Variants in PGBD5 observed in about 807,000 individuals in gnomAD.
PGBD5 encodes piggyBac transposable element derived 5.
In PGBD5, 14 loss-of-function variants were observed where a neutral mutation model predicts 47.9. The observed-to-expected ratio is 0.29, with a 90% CI of 0.19 to 0.46. The LOEUF is 0.46. PGBD5 is among the 20% of genes least tolerant of loss of function. The pLI, the probability that PGBD5 is intolerant of heterozygous loss-of-function variation, is 1.00. For missense variants in PGBD5, 635 were observed against 716.0 expected (o/e 0.89, Z 1.29); for synonymous variants, 316 against 306.3 (o/e 1.03, Z -0.33).
chr1:230,342,225 G>A (rs7529587), intron 3 of PGBD5, among the ~76,000 whole-genome samples: 7 of 152,118 alleles, frequency 4.6e-5, no homozygotes, highest in African/African-American at 7.2e-5. Context: ...GCTGGGATCC[G>A]GGCACCCTCC....
intron 3 of PGBD5, among the ~76,000 whole-genome samples, chr1:230,342,745 C>T (rs749015041): frequency 6.6e-6 from 1 of 152,200 alleles, no homozygotes; most frequent in Non-Finnish European, 1.5e-5. Flanking sequence ...ATGCACCTTG[C>T]AAGGCCCTTG....
intron 1 of PGBD5, among the ~76,000 whole-genome samples, chr1:230,377,246 C>T (rs1668027865): frequency 6.6e-6 from 1 of 152,238 alleles, no homozygotes; most frequent in African/African-American, 2.4e-5. Flanking sequence ...AAGAGAGGGA[C>T]AGATGTCCTG....
At chr1:230,329,119 T>TC (rs1667170159) in intron 5 of PGBD5, among the ~76,000 whole-genome samples, 1 of 71,600 alleles carries the variant, frequency 1.4e-5, no homozygotes, top group African/African-American at 3.5e-5. Context: ...GCTAATTTTT[T>TC]TTTGGGGGGG....
intron 1 of PGBD5, among the ~76,000 whole-genome samples, chr1:230,366,869 G>A (rs1201070936): frequency 1.3e-5 from 2 of 152,122 alleles, no homozygotes; most frequent in Non-Finnish European, 2.9e-5. Flanking sequence ...TTACGAAACA[G>A]CCGCCGTAGC....
Position 230,323,464 on chromosome 1 carries a change from T to C in PGBD5, c.1536A>G (p.Arg512=). ...AGGCATCCTCCAAGCCCAGCAGCTC[T>C]CTGACGAGTCTCTCTCCAAACTGCG... ...SRAQFGERLV[R]ELLGLEDASP... is the part of the protein sequence containing the mutation. The change falls in exon 7 of 7, where the codon AGA becomes AGG. Residue 512 remains arginine, a synonymous_variant. Coordinates refer to ENST00000391860, the MANE Select transcript of PGBD5 (RefSeq NM_001258311.2). The surrounding 1 kb of genome is among the most constrained non-coding windows in gnomAD (Gnocchi z 4.1). 1.2e-6 allele frequency: 2 copies of C among 1,614,132 alleles called. No individual in the cohort carries two copies. The highest frequency in any genetic ancestry group is 1.1e-5 in the South Asian group (1 of 91,068).
intron 5 of PGBD5, among the ~76,000 whole-genome samples, chr1:230,325,759 C>T (rs532468756): frequency 1.6e-3 from 236 of 152,102 alleles, no homozygotes; most frequent in African/African-American, 5.2e-3. Context: ...AGAGTGAAAG[C>T]GGAGACAGGG....
chr1:230,378,727 A>G (rs565035835), intron 1 of PGBD5, among the ~76,000 whole-genome samples: 2 of 152,336 alleles, frequency 1.3e-5, no homozygotes, highest in African/African-American at 4.8e-5. Flanking sequence ...TGCAGCCCGT[A>G]GATCTCAGCA....
chr1:230,422,307 A>G (rs1657666486), intron 1 of PGBD5, among the ~76,000 whole-genome samples: 1 of 152,098 alleles, frequency 6.6e-6, no homozygotes. Flanking sequence ...ACTGCTCAGA[A>G]TAAGAAACCA....
chr1:230,379,795 G>T (rs1163155022), intron 1 of PGBD5, among the ~76,000 whole-genome samples: 1 of 152,240 alleles, frequency 6.6e-6, no homozygotes, highest in African/African-American at 2.4e-5. Context: ...ACAGTGCGAG[G>T]TGCTTTTCTA....
chr1:230,380,238 A>C (rs970219710), intron 1 of PGBD5, among the ~76,000 whole-genome samples: 23 of 152,234 alleles, frequency 1.5e-4, no homozygotes, highest in African/African-American at 5.5e-4. Flanking sequence ...ACAGGATAGA[A>C]AACAAAGCCC....
At chr1:230,393,711 G>C (rs998249559) in intron 1 of PGBD5, among the ~76,000 whole-genome samples, 1 of 151,806 alleles carries the variant, frequency 6.6e-6, no homozygotes, top group Non-Finnish European at 1.5e-5. Flanking sequence ...TGTAGTCCCA[G>C]CTACTCGGGA....
intron 1 of PGBD5, among the ~76,000 whole-genome samples, chr1:230,412,247 C>G (rs1402805134): frequency 6.6e-6 from 1 of 152,152 alleles, no homozygotes; most frequent in Non-Finnish European, 1.5e-5. Context: ...TGACCCCAAC[C>G]CAGTTGAAAA....
intron 1 of PGBD5, among the ~76,000 whole-genome samples, chr1:230,380,391 G>A (rs187554647): frequency 1.3e-5 from 2 of 152,348 alleles, no homozygotes; most frequent in African/African-American, 4.8e-5. Flanking sequence ...CCTGTGCTGG[G>A]CCCTCTGGGC....
chr1:230,413,676 T>C lies in PGBD5; in HGVS notation c.331+11922A>G, dbSNP rs74146019. Among the ~76,000 whole-genome samples the C allele has an allele frequency of 1.9e-3, 287 of 152,298 alleles. 1 individual carries two copies. The highest frequency in any genetic ancestry group is 6.7e-3 in the African/African-American group (278 of 41,556). ...CCCTTGGTACCATCTGCATCTATCA[T>C]GTTTTCTGTGGCTCTAAAGATGCCT... is the stretch of plus-strand genomic sequence containing the variant. On this transcript the variant is annotated intron_variant, in intron 1 of 6. Transcript: ENST00000391860.
intron 1 of PGBD5, among the ~76,000 whole-genome samples, chr1:230,398,570 C>T (rs1441925270): frequency 1.3e-5 from 2 of 152,198 alleles, no homozygotes; most frequent in Admixed American, 6.5e-5. Context: ...CAGCTCATGA[C>T]AGATGGGAGG....
intron 5 of PGBD5, among the ~76,000 whole-genome samples, chr1:230,329,129 G>GA (rs1667171811): frequency 6.6e-6 from 1 of 151,350 alleles, no homozygotes; most frequent in Non-Finnish European, 1.5e-5. Flanking sequence ...TTTTGGGGGG[G>GA]GAGGTGGTAT....
intron 1 of PGBD5, among the ~76,000 whole-genome samples, chr1:230,358,741 T>G (rs1667697751): frequency 6.6e-6 from 1 of 152,258 alleles, no homozygotes; most frequent in South Asian, 2.1e-4. Context: ...TTGCCTATTG[T>G]ACTGTATTCA....
intron 3 of PGBD5, among the ~76,000 whole-genome samples, chr1:230,342,669 T>C (rs1233835040): frequency 2.6e-5 from 4 of 152,086 alleles, no homozygotes; most frequent in Non-Finnish European, 5.9e-5. Context: ...GGCTTGTGGG[T>C]TTGGGGGCAA....
intron 1 of PGBD5, among the ~76,000 whole-genome samples, chr1:230,404,401 G>C (rs1657218895): frequency 6.6e-6 from 1 of 151,968 alleles, no homozygotes; most frequent in Non-Finnish European, 1.5e-5. Flanking sequence ...GATTGCTTGA[G>C]CCTAGGAGTT....
Sources: gnomAD v4.1 joint callset for allele counts (sites outside exome capture counted in the v4.1 genomes callset) on GRCh38, gnomAD v4.1.1 for gene constraint, Gnocchi (gnomAD v3.1) non-coding constraint, MANE v1.5 for transcripts, NCBI Gene and HGNC (gene_info 2026-07-23, HGNC 2026-07-21) for gene names.